The following KDM6A variants were observed in gnomAD, a reference collection of about 807,000 sequenced individuals.
KDM6A encodes lysine demethylase 6A.
In KDM6A, 11 loss-of-function variants were observed where a neutral mutation model predicts 117.6. The ratio of observed to expected loss-of-function variants is 0.09; its 90% CI spans 0.06 to 0.15. The LOEUF is 0.15. KDM6A is among the 10% of genes least tolerant of loss of function. The pLI is 1.00. For missense variants in KDM6A, 799 were observed against 1,077.3 expected, an observed-to-expected ratio of 0.74 and a Z score of 3.62; for synonymous variants, 384 against 396.1, an observed-to-expected ratio of 0.97 and a Z score of 0.36.
rs2147993825 is a variant in KDM6A, at chrX:45,063,584, G to A, written c.1846G>A (p.Gly616Arg). The part of the protein sequence containing the change: ...SQPGVRPACP[G>R]QPLANGPFSA... The stretch of plus-strand genomic sequence containing the variant: ...GCCTGGAGTCCGTCCTGCCTGCCCT[G>A]GGCAGCCTTTGGCCAATGGACCCTT... Residue 616 changes from glycine (G) to arginine (R), a missense_variant, in exon 17 of 30, where the codon GGG (glycine) becomes AGG (arginine). Gly to Arg is a moderately radical substitution (Grantham distance 125, BLOSUM62 -2). Around this residue, in one of 8 missense-constraint regions of KDM6A, gnomAD observed 301 missense variants for 318.3 expected, o/e 0.95. Coordinates refer to ENST00000611820, the MANE Select transcript of KDM6A (RefSeq NM_001291415.2). 1 of 1,211,548 alleles carries A rather than the reference G, an allele frequency of 8.3e-7. No individual in the cohort carries two copies. The highest frequency in any genetic ancestry group is 1.1e-6 in the Non-Finnish European group (1 of 895,349).
chrX:44,941,873 C>CT (rs1427254304), intron 2 of KDM6A, among the ~76,000 whole-genome samples: 1 of 110,729 alleles, frequency 9.0e-6, no homozygotes, highest in African/African-American at 3.3e-5. Context: ...TACTGCATCA[C>CT]TGACCTTCCT....
chrX:45,103,812 T>C (rs910394490), intron 27 of KDM6A, among the ~76,000 whole-genome samples: 1 of 111,764 alleles, frequency 8.9e-6, no homozygotes, highest in African/African-American at 3.3e-5. Flanking sequence ...TGCCTTTTTG[T>C]GTAGTCTTTC....
intron 4 of KDM6A, among the ~76,000 whole-genome samples, chrX:44,981,970 G>A (rs1231665832): frequency 8.9e-6 from 1 of 112,014 alleles, no homozygotes; most frequent in Non-Finnish European, 1.9e-5. Flanking sequence ...TGTAATCCCA[G>A]CTACTGGGGA....
chrX:44,883,690 G>A (rs1002155393), intron 2 of KDM6A, among the ~76,000 whole-genome samples: 1 of 111,264 alleles, frequency 9.0e-6, no homozygotes, highest in African/African-American at 3.3e-5. Flanking sequence ...AGTTAGTTTT[G>A]ACTGGAGAAG....
intron 17 of KDM6A, among the ~76,000 whole-genome samples, chrX:45,064,335 G>A (rs1309056181): frequency 9.0e-6 from 1 of 111,269 alleles, no homozygotes; most frequent in Non-Finnish European, 1.9e-5. Context: ...GGGGAGGAGA[G>A]GGCTGGTGAA....
At chrX:44,963,093 C>T (rs1267983972) in intron 3 of KDM6A, among the ~76,000 whole-genome samples, 4 of 111,229 alleles carry the variant, frequency 3.6e-5, no homozygotes, top group Non-Finnish European at 5.7e-5. Context: ...ACTAAGTTTA[C>T]GTAATATTCT....
At chrX:45,040,646 G>A (rs1466913584) in intron 8 of KDM6A, among the ~76,000 whole-genome samples, 1 of 86,042 alleles carries the variant, frequency 1.2e-5, no homozygotes, top group African/African-American at 4.5e-5. Context: ...CTTCCCTCCC[G>A]GACGGGGCGG....
chrX:44,952,654 T>TTTA (rs2147114389), intron 2 of KDM6A, among the ~76,000 whole-genome samples: 1 of 112,229 alleles, frequency 8.9e-6, no homozygotes, highest in Admixed American at 9.4e-5. Context: ...GTGACAAATG[T>TTTA]TTAAGTTCCT....
At position 44,920,818 on chromosome X, in the gene KDM6A, CA is replaced by C. The variant is rs199619112; in HGVS notation, c.226-40462del. Among the ~76,000 whole-genome samples the C allele has an allele frequency of 4.0e-4, 43 of 108,659 alleles. No homozygotes were observed. The East Asian group carries it at 0.012, about 31-fold the overall frequency. 94.4% of individuals were successfully genotyped at this position (108,659 alleles called of 115,157 possible). On this transcript the variant is annotated intron_variant, in intron 2 of 29. Transcript: ENST00000611820. Reference sequence around the variant, plus strand: ...ATATAGTTAGGTCTTGCTTTCATGTCAAAACTGATGAACTCTGTCTTTTGCT... The same window carrying C: ...ATATAGTTAGGTCTTGCTTTCATGTCAAACTGATGAACTCTGTCTTTTGCT...
At position 44,989,054 on chromosome X, in the gene KDM6A, C is replaced by G. The variant is rs369179141; in HGVS notation, c.384+14339C>G. 2.4e-4 allele frequency among the ~76,000 whole-genome samples: 26 copies of G among 107,999 alleles called. No homozygotes were observed. In the South Asian group the frequency reaches 0.011, roughly 45 times the overall value. The allele number at this position is 107,999 out of a possible 115,157, so 93.8% of individuals were successfully genotyped here. A position where few individuals can be genotyped will look rare whatever the true frequency, so the allele number is the denominator to read the frequency against. On this transcript the variant is annotated intron_variant, in intron 4 of 29. Transcript: ENST00000611820. ...CCTCCTTGACCTGTGGTGGGTTCCACTCAGTTTGAGCTTCCAGGTGGCTTT... is the reference window on the plus strand; with the variant it reads ...CCTCCTTGACCTGTGGTGGGTTCCAGTCAGTTTGAGCTTCCAGGTGGCTTT...
intron 2 of KDM6A, among the ~76,000 whole-genome samples, chrX:44,897,037 T>G (rs908230170): frequency 2.7e-5 from 3 of 110,682 alleles, no homozygotes; most frequent in African/African-American, 6.6e-5. Flanking sequence ...AGCCATTATA[T>G]CTTTGAATAC....
intron 29 of KDM6A, among the ~76,000 whole-genome samples, chrX:45,110,763 A>C (rs1243828046): frequency 1.8e-5 from 2 of 111,953 alleles, no homozygotes; most frequent in African/African-American, 6.5e-5. Flanking sequence ...TATACTTATA[A>C]ATTGCACAGT....
intron 2 of KDM6A, among the ~76,000 whole-genome samples, chrX:44,926,477 C>G (rs2036309813): frequency 9.0e-6 from 1 of 111,396 alleles, no homozygotes; most frequent in Non-Finnish European, 1.9e-5. Context: ...CCTACTGATT[C>G]CTCTTGATGG....
At chrX:45,042,283 AGGG>A (rs2043295052) in intron 8 of KDM6A, among the ~76,000 whole-genome samples, 1 of 10,386 alleles carries the variant, frequency 9.6e-5, no homozygotes. Flanking sequence ...GAGAGGGGAG[AGGG>A]GAGAGGGGAG....
chrX:44,964,584 C>T (rs151110783), intron 3 of KDM6A, among the ~76,000 whole-genome samples: 4,242 of 111,278 alleles, frequency 0.038, 220 homozygotes, highest in African/African-American at 0.13. Flanking sequence ...CTTGGGTAAC[C>T]AGGTGCATTG....
intron 4 of KDM6A, 32 bp downstream of exon 4, chrX:44,974,747 T>C: frequency 3.7e-6 from 4 of 1,095,335 alleles, no homozygotes; most frequent in Non-Finnish European, 5.1e-6. Context: ...GATTTCATGT[T>C]TGTGTTTTGG....
intron 2 of KDM6A, among the ~76,000 whole-genome samples, chrX:44,908,982 C>T (rs886912967): frequency 8.9e-6 from 1 of 111,962 alleles, no homozygotes; most frequent in African/African-American, 3.3e-5. Flanking sequence ...GTTCACATAT[C>T]ACAAGTGTGC....
At chrX:44,981,258 C>T (rs1420325574) in intron 4 of KDM6A, among the ~76,000 whole-genome samples, 5 of 112,065 alleles carry the variant, frequency 4.5e-5, no homozygotes, top group African/African-American at 1.6e-4. Flanking sequence ...TGCAGGCCTC[C>T]GGAACTTTTG....
At chrX:44,944,856 C>G (rs1445206634) in intron 2 of KDM6A, among the ~76,000 whole-genome samples, 2 of 111,467 alleles carry the variant, frequency 1.8e-5, no homozygotes, top group African/African-American at 3.3e-5. Flanking sequence ...AGGAGACTTT[C>G]AAAATTGAGA....
Sources: allele counts gnomAD v4.1 joint callset (sites outside exome capture counted in the v4.1 genomes callset), GRCh38; gene constraint gnomAD v4.1.1; regional missense constraint gnomAD v4.1.1; transcripts MANE v1.5; gene names NCBI Gene and HGNC (gene_info 2026-07-23, HGNC 2026-07-21).